The following SOS2 variants were observed in gnomAD, a reference collection of about 807,000 sequenced individuals.
SOS2 encodes SOS Ras/Rho guanine nucleotide exchange factor 2.
A neutral mutation model predicts 148.2 loss-of-function variants in SOS2; 65 were observed. The observed-to-expected ratio is 0.44, with a 90% CI of 0.36 to 0.54. SOS2 has a LOEUF of 0.54. SOS2 is among the 20% of genes least tolerant of loss of function. SOS2 has a pLI of 0.00. For missense variants in SOS2, 1,341 were observed against 1,590.2 expected (o/e 0.84, Z 2.67); for synonymous variants, 539 against 537.1 (o/e 1.00, Z -0.05).
chr14:50,118,837 TC>T lies in SOS2; in HGVS notation c.3505del (p.Asp1169MetfsTer17). The T allele has an allele frequency of 7.0e-7, 1 of 1,426,028 alleles. No individual in the cohort carries two copies. Among genetic ancestry groups the T allele is most frequent in the African/African-American group, 1.5e-5 (1 of 64,964 alleles). The allele number at this position is 1,426,028 out of a possible 1,614,324, so 88.3% of individuals were successfully genotyped here. ...CGGTGGAATAGCAGGAGGATCATCATCAGATTTCATATTTCCCTCAAAAAAA... is the reference window on the plus strand; with the variant it reads ...CGGTGGAATAGCAGGAGGATCATCATAGATTTCATATTTCCCTCAAAAAAA... ...ASNSKGNMKSDDDPPAIPPRQ... is the reference protein window; with the variant it reads ...ASNSKGNMKSXDDPPAIPPRQ... On this transcript the variant is annotated frameshift_variant, in exon 23 of 23. Coordinates refer to ENST00000216373, the MANE Select transcript of SOS2 (RefSeq NM_006939.4). LOFTEE classifies it high-confidence loss of function.
chr14:50,206,806 TTTTA>T (rs1163867892), intron 1 of SOS2, among the ~76,000 whole-genome samples: 1 of 152,140 alleles, frequency 6.6e-6, no homozygotes, highest in Non-Finnish European at 1.5e-5. Flanking sequence ...TCTTTTTCAT[TTTTA>T]TTTAGTTATT....
At chr14:50,147,038 A>C (rs1244962773) in intron 14 of SOS2, among the ~76,000 whole-genome samples, 1 of 131,026 alleles carries the variant, frequency 7.6e-6, no homozygotes, top group African/African-American at 2.6e-5. Flanking sequence ...TCAAAAAAAT[A>C]AAACAAAAAA....
At chr14:50,164,147 C>T (rs777562648) in intron 8 of SOS2, among the ~76,000 whole-genome samples, 24 of 152,070 alleles carry the variant, frequency 1.6e-4, no homozygotes, top group Non-Finnish European at 3.1e-4. Context: ...ACATCTTACA[C>T]AGAAATTACT....
At chr14:50,190,665 A>C (rs1886100165) in intron 4 of SOS2, among the ~76,000 whole-genome samples, 1 of 152,206 alleles carries the variant, frequency 6.6e-6, no homozygotes, top group Non-Finnish European at 1.5e-5. Flanking sequence ...ACTGGATTTC[A>C]TTGCCTTCTG....
intron 2 of SOS2, 37 bp from the exon 3 acceptor site, chr14:50,201,121 A>G (rs1377341325): frequency 1.3e-6 from 2 of 1,595,168 alleles, no homozygotes; most frequent in South Asian, 2.2e-5. Flanking sequence ...AGTATTAATA[A>G]AAGTGTTCAT....
intron 7 of SOS2, among the ~76,000 whole-genome samples, chr14:50,178,847 C>A (rs1289606524): frequency 6.6e-6 from 1 of 151,836 alleles, no homozygotes; most frequent in Non-Finnish European, 1.5e-5. Flanking sequence ...AATTCTCCTG[C>A]CTCAGCCTCC....
intron 2 of SOS2, among the ~76,000 whole-genome samples, chr14:50,204,075 T>C (rs1316496256): frequency 6.6e-6 from 1 of 152,042 alleles, no homozygotes; most frequent in Non-Finnish European, 1.5e-5. Context: ...CTCATAAATG[T>C]ACCCAGTTGT....
chr14:50,186,847 T>C (rs1032694267), intron 5 of SOS2, among the ~76,000 whole-genome samples: 2 of 152,194 alleles, frequency 1.3e-5, no homozygotes, highest in African/African-American at 4.8e-5. Flanking sequence ...CTAAAACACT[T>C]TCGATTATCA....
intron 8 of SOS2, among the ~76,000 whole-genome samples, chr14:50,171,647 G>A (rs570689539): frequency 3.0e-4 from 39 of 131,424 alleles, no homozygotes; most frequent in Admixed American, 1.9e-3. Flanking sequence ...TCATGCCACC[G>A]CACTCCAGCC....
rs577622341 is a variant in SOS2, at chr14:50,157,049, A to G, written c.2007T>C (p.Ser669=). 2 of 1,612,782 alleles carry G rather than the reference A, an allele frequency of 1.2e-6. No individual in the cohort carries two copies. The highest frequency in any genetic ancestry group is 1.7e-6 in the Non-Finnish European group (2 of 1,179,246). The change falls in exon 12 of 23, where the codon AGT becomes AGC. Residue 669 remains serine (S), a synonymous_variant. Transcript: ENST00000216373. Reference sequence around the variant, plus strand: ...CCTTGCGAAATCTTTTAAGGTCTGCACTGATTGGCTGCTCGCCTTTCTCTA... The same window carrying G: ...CCTTGCGAAATCTTTTAAGGTCTGCGCTGATTGGCTGCTCGCCTTTCTCTA... ...LAIEKGEQPI[S]ADLKRFRKEY... is the part of the protein sequence containing the mutation.
chr14:50,198,364 A>G (rs1886380138), intron 4 of SOS2, among the ~76,000 whole-genome samples: 1 of 152,206 alleles, frequency 6.6e-6, no homozygotes, highest in Non-Finnish European at 1.5e-5. Flanking sequence ...AAAAAAAAAA[A>G]AAAGTAGCCA....
At chr14:50,172,051 C>T (rs916716930) in intron 8 of SOS2, among the ~76,000 whole-genome samples, 1 of 152,122 alleles carries the variant, frequency 6.6e-6, no homozygotes, top group Non-Finnish European at 1.5e-5. Flanking sequence ...AAGCAGTTTT[C>T]CAAAGTGGGT....
chr14:50,214,967 C>G (rs1165160517), intron 1 of SOS2, among the ~76,000 whole-genome samples: 1 of 151,706 alleles, frequency 6.6e-6, no homozygotes, highest in Non-Finnish European at 1.5e-5. Context: ...TCCCGAGTAG[C>G]TGGGACTATA....
chr14:50,141,203 CAAAAAAAA>C (rs71118844), intron 16 of SOS2, among the ~76,000 whole-genome samples: 638 of 30,552 alleles, frequency 0.021, 1 homozygote, highest in Admixed American at 0.045. Context: ...GACTCTGTCT[CAAAAAAAA>C]AAAAAAAAAA....
intron 1 of SOS2, among the ~76,000 whole-genome samples, chr14:50,228,081 G>T (rs1297051141): frequency 6.8e-6 from 1 of 147,202 alleles, no homozygotes; most frequent in South Asian, 2.1e-4. Context: ...TCGCTCTGTC[G>T]CCCAGGATGG....
chr14:50,219,951 C>G (rs1887151624), intron 1 of SOS2, among the ~76,000 whole-genome samples: 1 of 151,924 alleles, frequency 6.6e-6, no homozygotes, highest in South Asian at 2.1e-4. Flanking sequence ...AACTCCTGGG[C>G]TCAAGTGATC....
rs201836422 is a variant in SOS2 at position 50,192,143 on chromosome 14, C to CA, written c.511-3444dup. ...CTCCGGCTTAGGTGAGTCCTTGTCA[C>CA]AAAAAAAAAAAAAAAAAAAAAAAAA... is the stretch of plus-strand genomic sequence containing the variant. On this transcript the variant is annotated intron_variant, in intron 4 of 22. Transcript: ENST00000216373. Among the ~76,000 whole-genome samples, 706 of 118,690 alleles carry CA rather than the reference C, an allele frequency of 5.9e-3. 15 individuals carry two copies. The highest frequency in any genetic ancestry group is 0.012 in the South Asian group (39 of 3,360). 77.9% of individuals were successfully genotyped at this position (118,690 alleles called of 152,430 possible).
At chr14:50,126,912 A>AG (rs540029992) in intron 21 of SOS2, among the ~76,000 whole-genome samples, 3 of 3,524 alleles carry the variant, frequency 8.5e-4, no homozygotes, top group Non-Finnish European at 2.8e-3. Context: ...TGACAAAATG[A>AG]AAAAAAAAAA....
intron 16 of SOS2, among the ~76,000 whole-genome samples, chr14:50,144,901 G>T (rs965074510): frequency 6.6e-6 from 1 of 151,892 alleles, no homozygotes; most frequent in African/African-American, 2.4e-5. Flanking sequence ...TTACATTTAG[G>T]TTAAGTACAT....
Sources: gnomAD v4.1 joint callset for allele counts (sites outside exome capture counted in the v4.1 genomes callset) on GRCh38, gnomAD v4.1.1 for gene constraint, MANE v1.5 for transcripts, NCBI Gene and HGNC (gene_info 2026-07-23, HGNC 2026-07-21) for gene names.